SIPA1L1: variants seen among roughly 807,000 people sequenced by gnomAD.
SIPA1L1 encodes the protein signal-induced proliferation-associated 1-like protein 1.
A neutral mutation model predicts 162.7 loss-of-function variants in SIPA1L1; 26 were observed. The observed-to-expected ratio is 0.16, with a 90% CI of 0.12 to 0.22. The LOEUF is 0.22. Ranked by LOEUF, SIPA1L1 falls within the 10% of genes least tolerant of loss-of-function variation. SIPA1L1 has a pLI of 1.00. For missense variants in SIPA1L1, 1,874 were observed against 2,241.0 expected (o/e 0.84, Z 3.31); for synonymous variants, 829 against 837.4 (o/e 0.99, Z 0.17).
intron 12 of SIPA1L1, among the ~76,000 whole-genome samples, chr14:71,675,216 C>T (rs1485376178): frequency 3.9e-5 from 6 of 152,322 alleles, no homozygotes; most frequent in East Asian, 3.9e-4. Flanking sequence ...ACCGCTGTGA[C>T]GCTCTCAGGC....
intron 3 of SIPA1L1, among the ~76,000 whole-genome samples, chr14:71,518,738 C>G (rs551308966): frequency 1.3e-5 from 2 of 151,824 alleles, no homozygotes; most frequent in African/African-American, 4.8e-5. Flanking sequence ...CTCAGGAGTT[C>G]AGCACCAGCC....
At chr14:71,728,216 G>A (rs530643941) in intron 19 of SIPA1L1, among the ~76,000 whole-genome samples, 2 of 152,298 alleles carry the variant, frequency 1.3e-5, no homozygotes, top group East Asian at 3.9e-4. Flanking sequence ...AACCTTGCAG[G>A]TGGAGATGTT....
chr14:71,460,186 G>C (rs2046488341), intron 2 of SIPA1L1, among the ~76,000 whole-genome samples: 1 of 152,190 alleles, frequency 6.6e-6, no homozygotes, highest in Non-Finnish European at 1.5e-5. Context: ...TGTTTCTATA[G>C]CTGACCACGT....
chr14:71,382,604 A>G (rs1324421082), intron 2 of SIPA1L1, among the ~76,000 whole-genome samples: 2 of 152,210 alleles, frequency 1.3e-5, no homozygotes, highest in African/African-American at 4.8e-5. Context: ...TGTAGGAGTC[A>G]CTAAGGACTG....
intron 5 of SIPA1L1, among the ~76,000 whole-genome samples, chr14:71,606,482 A>G (rs796806160): frequency 2.4e-4 from 36 of 152,258 alleles, no homozygotes; most frequent in African/African-American, 8.4e-4. Flanking sequence ...TAGGCTGTCA[A>G]AATGGTGTCA....
At chr14:71,616,180 G>A (rs2038814322) in intron 5 of SIPA1L1, among the ~76,000 whole-genome samples, 1 of 152,154 alleles carries the variant, frequency 6.6e-6, no homozygotes. Flanking sequence ...GCGGTAGAAG[G>A]AAAATCAGAA....
At chr14:71,607,796 A>G (rs527506041) in intron 5 of SIPA1L1, among the ~76,000 whole-genome samples, 2 of 152,302 alleles carry the variant, frequency 1.3e-5, no homozygotes, top group African/African-American at 4.8e-5. Context: ...CTGTGCCCCA[A>G]CACCATCCAC....
At chr14:71,329,213 G>T (rs532777979) in intron 2 of SIPA1L1, among the ~76,000 whole-genome samples, 49 of 152,260 alleles carry the variant, frequency 3.2e-4, no homozygotes, top group African/African-American at 1.2e-3. Flanking sequence ...TGCTATGAAC[G>T]TGGGTGTGCA....
At chr14:71,360,074 C>G (rs941629727) in intron 2 of SIPA1L1, among the ~76,000 whole-genome samples, 2 of 152,086 alleles carry the variant, frequency 1.3e-5, no homozygotes, top group African/African-American at 4.8e-5. Context: ...TTGAACAGTG[C>G]TTCGGGGTCA....
chr14:71,367,799 G>T (rs2140965152), intron 2 of SIPA1L1, among the ~76,000 whole-genome samples: 1 of 150,840 alleles, frequency 6.6e-6, no homozygotes, highest in East Asian at 2.0e-4. Flanking sequence ...TAGAGACGGG[G>T]TTTCACCATG....
intron 2 of SIPA1L1, among the ~76,000 whole-genome samples, chr14:71,324,482 G>C (rs143106918): frequency 1.5e-3 from 229 of 152,250 alleles, no homozygotes; most frequent in Non-Finnish European, 2.5e-3. Context: ...TATCCAAAAT[G>C]AGGAGATGCA....
At chr14:71,426,692 A>C (rs1052573666) in intron 2 of SIPA1L1, among the ~76,000 whole-genome samples, 1 of 151,994 alleles carries the variant, frequency 6.6e-6, no homozygotes, top group Non-Finnish European at 1.5e-5. Context: ...GGGTTTCACC[A>C]TGTTGGCCAA....
intron 2 of SIPA1L1, among the ~76,000 whole-genome samples, chr14:71,427,356 C>G (rs1453951237): frequency 6.6e-6 from 1 of 152,108 alleles, no homozygotes; most frequent in Non-Finnish European, 1.5e-5. Flanking sequence ...ATATATCTTC[C>G]TACTGCCTTT....
At chr14:71,511,053 A>T (rs1366684630) in intron 2 of SIPA1L1, among the ~76,000 whole-genome samples, 1 of 152,192 alleles carries the variant, frequency 6.6e-6, no homozygotes, top group African/African-American at 2.4e-5. Flanking sequence ...GTCATTATGT[A>T]TGATCTTTCA....
intron 2 of SIPA1L1, among the ~76,000 whole-genome samples, chr14:71,327,528 A>G (rs2033977726): frequency 6.6e-6 from 1 of 152,226 alleles, no homozygotes; most frequent in African/African-American, 2.4e-5. Flanking sequence ...AGATGCTTAT[A>G]AGATATAGAA....
chr14:71,639,348 T>TATGAAATGATCTATGA (rs2041472623), intron 7 of SIPA1L1, among the ~76,000 whole-genome samples: 1 of 152,202 alleles, frequency 6.6e-6, no homozygotes, highest in Non-Finnish European at 1.5e-5. Flanking sequence ...ATTTCAAGGC[T>TATGAAATGATCTATGA]GCCATGAGCT....
chr14:71,542,569 CTCTTCCTCCTCCTTCT>C (rs1374907242), intron 4 of SIPA1L1, among the ~76,000 whole-genome samples: 19 of 141,712 alleles, frequency 1.3e-4, no homozygotes, highest in Middle Eastern at 3.9e-3. Context: ...CTTCCTCCTT[CTCTTCCTCCTCCTTCT>C]TCTTCCTCCT....
chr14:71,547,454 C>T (rs370484246), intron 4 of SIPA1L1, among the ~76,000 whole-genome samples: 3 of 151,552 alleles, frequency 2.0e-5, no homozygotes, highest in African/African-American at 4.9e-5. Context: ...CCACTACACC[C>T]GGCTAATTTT....
rs567054936 is a variant in SIPA1L1, at chr14:71,469,115, C to T, written c.-464-43628C>T. The stretch of plus-strand genomic sequence containing the variant: ...TAACCTCAACCTCTCTGAGACCTTA[C>T]CAATCCGCAGAGTCCACTGGAGTCT... On this transcript the variant is annotated intron_variant, in intron 2 of 23. Transcript: ENST00000381232. Among the ~76,000 whole-genome samples the T allele has an allele frequency of 5.9e-5, 9 of 152,122 alleles. No homozygotes were observed. The South Asian group carries it at 1.5e-3, about 25-fold the overall frequency.
Sources: allele counts gnomAD v4.1 joint callset (sites outside exome capture counted in the v4.1 genomes callset), GRCh38; gene constraint gnomAD v4.1.1; transcripts MANE v1.5; gene names NCBI Gene and HGNC (gene_info 2026-07-23, HGNC 2026-07-21).